Variants in C12orf54 observed in about 807,000 individuals in gnomAD.
The protein encoded by C12orf54 is chromosome 12 open reading frame 54.
In C12orf54, 24 loss-of-function variants were observed where a neutral mutation model predicts 26.4. That is an observed-to-expected ratio of 0.91 (90% CI 0.66 to 1.28). C12orf54 has a LOEUF of 1.28. Among genes scored for constraint, C12orf54 ranks in the 50% most tolerant of loss-of-function variants. The pLI, the probability that C12orf54 is intolerant of heterozygous loss-of-function variation, is 0.00. For synonymous variants in C12orf54, 54 were observed against 47.0 expected (o/e 1.15, Z -0.61); for missense variants, 154 against 150.9 (o/e 1.02, Z -0.11).
intron 4 of C12orf54, chr12:48,488,488 A>C: frequency 2.6e-6 from 1 of 381,116 alleles, no homozygotes; most frequent in South Asian, 2.0e-5. Context: ...AGCCAAAAAA[A>C]AAAAAAAGAA....
the C12orf54 span, among the ~76,000 whole-genome samples, chr12:48,457,427 G>A: frequency 1.3e-5 from 2 of 152,130 alleles, no homozygotes; most frequent in South Asian, 4.2e-4. Context: ...TCTGCCTTAT[G>A]GGTTCAAGTG....
At chr12:48,490,164 C>T (rs61940777) in intron 5 of C12orf54, among the ~76,000 whole-genome samples, 19,319 of 152,208 alleles carry the variant, frequency 0.13, 1,610 homozygotes, top group Non-Finnish European at 0.2. Flanking sequence ...AGATGTGAGG[C>T]CTTGGTATGA....
the C12orf54 span, chr12:48,417,286 G>A: frequency 6.6e-6 from 1 of 152,330 alleles, no homozygotes; most frequent in African/African-American, 2.4e-5. Flanking sequence ...ATGGCTGTTA[G>A]TAGACACCCC....
chr12:48,474,293 G>A, the C12orf54 span, among the ~76,000 whole-genome samples: 1 of 152,180 alleles, frequency 6.6e-6, no homozygotes, highest in African/African-American at 2.4e-5. Context: ...GAACAGCTCT[G>A]GTCTACAGCT....
chr12:48,493,673 T>TAAAGAAAAATAATGAAAGTTAATTTTCAA (rs1937843147), intron 7 of C12orf54, among the ~76,000 whole-genome samples: 7 of 135,734 alleles, frequency 5.2e-5, no homozygotes, highest in African/African-American at 8.6e-5. Context: ...AAGAAAGTTA[T>TAAAGAAAAATAATGAAAGTTAATTTTCAA]AAAGAAAATT....
chr12:48,458,552 G>C, the C12orf54 span, among the ~76,000 whole-genome samples: 1 of 152,100 alleles, frequency 6.6e-6, no homozygotes, highest in African/African-American at 2.4e-5. Context: ...CTACAAAGTA[G>C]CTTCTCAAGG....
At chr12:48,437,640 A>G in the C12orf54 span, among the ~76,000 whole-genome samples, 2 of 152,344 alleles carry the variant, frequency 1.3e-5, no homozygotes, top group East Asian at 1.9e-4. Flanking sequence ...AAACAGAACC[A>G]AAGACAAAAA....
chr12:48,461,066 G>A, the C12orf54 span, among the ~76,000 whole-genome samples: 1 of 151,960 alleles, frequency 6.6e-6, no homozygotes, highest in Non-Finnish European at 1.5e-5. Context: ...CAAAAGAAAA[G>A]TGATGGAAAA....
At chr12:48,452,495 TAAACTA>T in the C12orf54 span, among the ~76,000 whole-genome samples, 1 of 70,750 alleles carries the variant, frequency 1.4e-5, no homozygotes, top group Non-Finnish European at 5.2e-5. Context: ...GGGATCTAAT[TAAACTA>T]AAGAGCTTCT....
At chr12:48,434,346 GACAA>G in the C12orf54 span, among the ~76,000 whole-genome samples, 1 of 152,222 alleles carries the variant, frequency 6.6e-6, no homozygotes, top group Non-Finnish European at 1.5e-5. Context: ...GCAGGGCACA[GACAA>G]ACAAAAGACA....
intron 2 of C12orf54, chr12:48,483,619 G>A (rs1357555594): frequency 5.4e-6 from 2 of 370,692 alleles, no homozygotes; most frequent in Non-Finnish European, 9.9e-6. Context: ...ACAAACTAGG[G>A]ACATTAATTT....
the C12orf54 span, among the ~76,000 whole-genome samples, chr12:48,468,357 G>A: frequency 6.6e-6 from 1 of 152,122 alleles, no homozygotes; most frequent in Non-Finnish European, 1.5e-5. Flanking sequence ...ATGGACAGGT[G>A]GAGTGGGCAG....
chr12:48,452,986 T>C, the C12orf54 span, among the ~76,000 whole-genome samples: 2 of 152,188 alleles, frequency 1.3e-5, no homozygotes, highest in African/African-American at 4.8e-5. Context: ...ATCCCATTAC[T>C]GAGTATATAC....
At chr12:48,490,767 A>C in intron 5 of C12orf54, 45 bp from the exon 6 acceptor site, 1 of 1,610,512 alleles carries the variant, frequency 6.2e-7, no homozygotes, top group Non-Finnish European at 8.5e-7. Flanking sequence ...GGTCTGCAGG[A>C]GACCAGCCCC....
the C12orf54 span, among the ~76,000 whole-genome samples, chr12:48,437,682 G>T: frequency 3.9e-5 from 6 of 152,126 alleles, no homozygotes; most frequent in Admixed American, 3.3e-4. Flanking sequence ...TGCAGAAAAG[G>T]CCTTTGACAA....
the C12orf54 span, among the ~76,000 whole-genome samples, chr12:48,450,848 C>T: frequency 6.6e-6 from 1 of 151,930 alleles, no homozygotes; most frequent in Non-Finnish European, 1.5e-5. Context: ...GCCTACCAAC[C>T]ATAAAAAGGC....
At chr12:48,457,060 G>A in the C12orf54 span, among the ~76,000 whole-genome samples, 3 of 152,102 alleles carry the variant, frequency 2.0e-5, no homozygotes, top group Non-Finnish European at 4.4e-5. Flanking sequence ...TAAGTTTAGT[G>A]TGTAGTTACT....
the C12orf54 span, among the ~76,000 whole-genome samples, chr12:48,447,429 ATCTCT>A: frequency 6.6e-6 from 1 of 152,142 alleles, no homozygotes. Context: ...TAGAGAAGAC[ATCTCT>A]TCTCAATTCA....
the C12orf54 span, among the ~76,000 whole-genome samples, chr12:48,425,754 T>C: frequency 6.6e-6 from 1 of 152,102 alleles, no homozygotes; most frequent in African/African-American, 2.4e-5. Context: ...TTTTTTTACT[T>C]TTTAATAGTA....
Sources: allele counts gnomAD v4.1 joint callset (sites outside exome capture counted in the v4.1 genomes callset), GRCh38; gene constraint gnomAD v4.1.1; transcripts MANE v1.5; gene names NCBI Gene and HGNC (gene_info 2026-07-23, HGNC 2026-07-21).